The following BMP8B variants were observed in gnomAD, a reference collection of about 807,000 sequenced individuals.
BMP8B encodes bone morphogenetic protein 8 (osteogenic protein 2).
Under a neutral mutation model 30.3 loss-of-function variants are expected in BMP8B, and 17 were observed. That is an observed-to-expected ratio of 0.56 (90% CI 0.38 to 0.84). The LOEUF is 0.84. Ranked by LOEUF, BMP8B falls within the 40% of genes least tolerant of loss-of-function variation. The pLI is 0.00. For missense variants in BMP8B, 253 were observed against 494.6 expected (o/e 0.51, Z 4.63); for synonymous variants, 131 against 214.7 (o/e 0.61, Z 3.41).
chr1:39,777,029 T>C (rs1375497281), intron 1 of BMP8B, among the ~76,000 whole-genome samples: 1 of 152,268 alleles, frequency 6.6e-6, no homozygotes, highest in East Asian at 1.9e-4. Context: ...GTGCTCCGTA[T>C]GGCCTTTGAG....
chr1:39,762,688 A>G (rs1004452149), intron 6 of BMP8B: 34 of 1,489,518 alleles, frequency 2.3e-5, no homozygotes, highest in East Asian at 5.0e-5. Context: ...CACACTGTGC[A>G]CACATATCAC....
In BMP8B at chr1:39,763,195, A is replaced by G; in HGVS notation, c.956T>C (p.Val319Ala). The change falls in exon 6 of 7, where the codon GTC becomes GCC. Residue 319 changes from valine to alanine, a missense_variant. Val to Ala is a moderately conservative substitution (Grantham distance 64). Coordinates refer to ENST00000372827, the MANE Select transcript of BMP8B (RefSeq NM_001720.5). ...SFQDLGWLDW[V>A]IAPQGYSAYY... ...GGCCGAGTAGCCTTGGGGAGCGATG[A>G]CCCAGTCCTGGGGGGCAAGGGAGAA... The G allele has an allele frequency of 6.2e-7, 1 of 1,612,052 alleles. No individual in the cohort carries two copies. Among genetic ancestry groups the G allele is most frequent in the Non-Finnish European group, 8.5e-7 (1 of 1,179,058 alleles).
At chr1:39,768,535 G>C (rs1291930635) in intron 3 of BMP8B, among the ~76,000 whole-genome samples, 2 of 148,302 alleles carry the variant, frequency 1.3e-5, no homozygotes, top group African/African-American at 5.0e-5. Context: ...TAACAACAAA[G>C]GCCCCAGAAG....
chr1:39,762,371 AC>A, intron 6 of BMP8B: 1 of 1,103,356 alleles, frequency 9.1e-7, no homozygotes. Flanking sequence ...TAAGGGGAAA[AC>A]ATAAGGCTGT....
At chr1:39,769,773 TGTC>T (rs1339071099) in intron 3 of BMP8B, 2 of 1,612,732 alleles carry the variant, frequency 1.2e-6, no homozygotes, top group Admixed American at 3.3e-5. Flanking sequence ...CTCTTTTTGA[TGTC>T]GTCCACCGTC....
rs962591351 is a variant in BMP8B, at chr1:39,762,702, C to T, written c.1059+390G>A. On this transcript the variant is annotated intron_variant, in intron 6 of 6. Transcript: ENST00000372827. ...ACACACTGTGCACACATATCACGGG[C>T]GGTCAGACTTGCCAGCGTACTCGGC... 128 of 1,471,904 alleles carry T rather than the reference C, an allele frequency of 8.7e-5. No homozygotes were observed. The African/African-American group carries it at 1.2e-3, about 14-fold the overall frequency. 91.2% of individuals were successfully genotyped at this position (1,471,904 alleles called of 1,614,324 possible).
chr1:39,765,651 AACTAACCCTGGAG>A (rs1649567060), intron 3 of BMP8B, among the ~76,000 whole-genome samples: 1 of 96,682 alleles, frequency 1.0e-5, no homozygotes, highest in Admixed American at 1.1e-4. Context: ...AAAACATGAT[AACTAACCCTGGAG>A]ATGCCAAGCC....
chr1:39,787,183 T>C (rs1390324305), intron 1 of BMP8B, among the ~76,000 whole-genome samples: 1 of 151,802 alleles, frequency 6.6e-6, no homozygotes, highest in East Asian at 1.9e-4. Context: ...ATCAGGGTTG[T>C]CGGGAGGATG....
chr1:39,760,499 C>T lies in BMP8B; in HGVS notation c.1129G>A (p.Val377Met). The part of the protein sequence containing the change: ...CAPTKLSATS[V>M]LYYDSSNNVI... ...TTGTTGCTGCTGTCATAGTAGAGCA[C>T]AGAGGTGGCGCTCAGCTTGGTGGGT... Residue 377 changes from valine to methionine, a missense_variant, in exon 7 of 7, where the codon GTG (valine) becomes ATG (methionine). By Grantham distance (21) the Val-to-Met change is conservative (BLOSUM62 1). Around this residue, in one of 7 missense-constraint regions of BMP8B, gnomAD observed 116 missense variants for 142.3 expected, o/e 0.81. Coordinates refer to ENST00000372827, the MANE Select transcript of BMP8B (RefSeq NM_001720.5). 1 of 1,614,186 alleles carries T rather than the reference C, an allele frequency of 6.2e-7. No individual in the cohort carries two copies. Among genetic ancestry groups the T allele is most frequent in the Non-Finnish European group, 8.5e-7 (1 of 1,180,034 alleles).
chr1:39,769,909 G>C (rs990656778), intron 3 of BMP8B: 14 of 1,605,318 alleles, frequency 8.7e-6, no homozygotes, highest in Non-Finnish European at 1.1e-5. Flanking sequence ...ATTTCTCCAT[G>C]ATCTTGGGGG....
intron 1 of BMP8B, among the ~76,000 whole-genome samples, chr1:39,785,573 A>G (rs1051846078): frequency 2.6e-5 from 4 of 152,224 alleles, no homozygotes; most frequent in East Asian, 1.9e-4. Flanking sequence ...CGGGCACCAG[A>G]CCTGGCTATT....
rs767543608 is a variant in BMP8B at position 39,763,772 on chromosome 1, G to A, written c.888C>T (p.His296=). Residue 296 remains histidine, a synonymous_variant, in exon 5 of 7, where the codon CAC becomes CAT. Coordinates refer to ENST00000372827, the MANE Select transcript of BMP8B (RefSeq NM_001720.5). ...PGIFDDVHGS[H]GRQVCRRHEL... ...CGTGCCGACGGCAGACCTGCCGGCC[G>A]TGGGAGCCGTGGACGTCATCTGCAG... 2.4e-5 allele frequency: 39 copies of A among 1,600,322 alleles called. No homozygotes were observed. The highest frequency in any genetic ancestry group is 1.7e-4 in the Middle Eastern group (1 of 5,748).
chr1:39,788,435 C>T lies in BMP8B; in HGVS notation c.51G>A (p.Ala17=). 2.9e-6 allele frequency: 3 copies of T among 1,036,084 alleles called. No individual in the cohort carries two copies. The highest frequency in any genetic ancestry group is 3.5e-6 in the Non-Finnish European group (3 of 864,486). 64.2% of individuals were successfully genotyped at this position (1,036,084 alleles called of 1,614,324 possible). ...GCAGGCCGGGGCCGCCCCCGCCCAG[C>T]GCGCATAGCGCCAGGCCCAGGAGCC... ...PLWLLGLALC[A]LGGGGPGLRP... Residue 17 remains alanine, a synonymous_variant, in exon 1 of 7, where the codon GCG becomes GCA. Coordinates refer to ENST00000372827, the MANE Select transcript of BMP8B (RefSeq NM_001720.5). This position sits in a 1 kb window ranked among gnomAD's most constrained non-coding sequence, Gnocchi z 5.8.
At chr1:39,760,610 G>T in intron 6 of BMP8B, 42 bp from the exon 7 acceptor site, 1 of 1,597,784 alleles carries the variant, frequency 6.3e-7, no homozygotes. Flanking sequence ...GAGCCCAGTG[G>T]CCTCCTCCAA....
At position 39,788,435 on chromosome 1, in the gene BMP8B, C is replaced by G. The variant is rs758723051; in HGVS notation, c.51G>C (p.Ala17=). The G allele has an allele frequency of 5.8e-6, 6 of 1,036,084 alleles. No homozygotes were observed. In the Middle Eastern group the frequency reaches 1.4e-3, roughly 239 times the overall value. 64.2% of individuals were successfully genotyped at this position (1,036,084 alleles called of 1,614,324 possible). Residue 17 remains alanine, a synonymous_variant, in exon 1 of 7, where the codon GCG becomes GCC. Coordinates refer to ENST00000372827, the MANE Select transcript of BMP8B (RefSeq NM_001720.5). This position sits in a 1 kb window ranked among gnomAD's most constrained non-coding sequence, Gnocchi z 5.8. ...GCAGGCCGGGGCCGCCCCCGCCCAG[C>G]GCGCATAGCGCCAGGCCCAGGAGCC... The part of the protein sequence containing the change: ...PLWLLGLALC[A]LGGGGPGLRP...
Position 39,788,084 on chromosome 1 carries a change from C to T in BMP8B, c.334+68G>A, listed in dbSNP as rs562313340. On this transcript the variant is annotated intron_variant, in intron 1 of 6. Transcript: ENST00000372827. This position sits in a 1 kb window ranked among gnomAD's most constrained non-coding sequence, Gnocchi z 5.8. ...CGTTCGGCCAGGGCCCGGCACAGCC[C>T]GCGGATGCGCGCCCCTCCCCTGCAG... is the stretch of plus-strand genomic sequence containing the variant. The T allele has an allele frequency of 2.9e-5, 40 of 1,396,534 alleles. No individual in the cohort carries two copies. The African/African-American group carries it at 4.8e-4, about 17-fold the overall frequency. 86.5% of individuals were successfully genotyped at this position (1,396,534 alleles called of 1,614,324 possible).
chr1:39,769,626 G>C, intron 3 of BMP8B: 2 of 1,447,090 alleles, frequency 1.4e-6, no homozygotes, highest in South Asian at 1.5e-5. Flanking sequence ...CCCAGAGCTG[G>C]GGACATGTAT....
intron 6 of BMP8B, 122 bp from the exon 7 acceptor site, chr1:39,760,690 G>C: frequency 7.8e-7 from 1 of 1,274,308 alleles, no homozygotes; most frequent in Non-Finnish European, 1.1e-6. Flanking sequence ...CATGGGAGCA[G>C]CACAATAATA....
intron 6 of BMP8B, chr1:39,762,434 G>C: frequency 6.9e-7 from 1 of 1,458,116 alleles, no homozygotes; most frequent in Non-Finnish European, 9.1e-7. Flanking sequence ...GGAAGCCTCG[G>C]TGCCAGAATC....
Sources: gnomAD v4.1 joint callset for allele counts (sites outside exome capture counted in the v4.1 genomes callset) on GRCh38, gnomAD v4.1.1 for gene constraint, gnomAD v4.1.1 regional missense constraint, Gnocchi (gnomAD v3.1) non-coding constraint, MANE v1.5 for transcripts, NCBI Gene and HGNC (gene_info 2026-07-23, HGNC 2026-07-21) for gene names.